Variants in HYCC1 observed in about 807,000 individuals in gnomAD.
The protein encoded by HYCC1 is hyccin PI4KA lipid kinase complex subunit 1.
the HYCC1 span, among the ~76,000 whole-genome samples, chr7:23,002,692 T>C: frequency 0.25 from 38,429 of 152,072 alleles, 4,966 homozygotes; most frequent in Admixed American, 0.32. Context: ...AAACTATTTC[T>C]TGGGAACAGG....
At chr7:22,912,903 C>T in the HYCC1 span, among the ~76,000 whole-genome samples, 5 of 152,150 alleles carry the variant, frequency 3.3e-5, no homozygotes, top group African/African-American at 9.7e-5. Flanking sequence ...GAAGCCAAGA[C>T]GGGTGGATCA....
chr7:22,898,689 A>G, the HYCC1 span, among the ~76,000 whole-genome samples: 6 of 136,778 alleles, frequency 4.4e-5, no homozygotes, highest in Non-Finnish European at 4.6e-5. Context: ...TGCAACCTCC[A>G]CCTCCCGGGT....
the HYCC1 span, among the ~76,000 whole-genome samples, chr7:22,948,057 C>A: frequency 6.6e-6 from 1 of 152,056 alleles, no homozygotes; most frequent in African/African-American, 2.4e-5. Context: ...AACAAAACTC[C>A]TAACTAGTTA....
the HYCC1 span, among the ~76,000 whole-genome samples, chr7:22,956,887 C>T: frequency 1.3e-4 from 19 of 151,782 alleles, no homozygotes; most frequent in African/African-American, 4.4e-4. Flanking sequence ...GCCAGAGATG[C>T]GTATTCTGAA....
At chr7:22,983,490 T>C in the HYCC1 span, among the ~76,000 whole-genome samples, 1 of 152,172 alleles carries the variant, frequency 6.6e-6, no homozygotes, top group African/African-American at 2.4e-5. Flanking sequence ...CTGCATGGAA[T>C]ATTCTTTTAC....
the HYCC1 span, chr7:22,984,087 T>C: frequency 8.3e-7 from 1 of 1,204,466 alleles, no homozygotes. Flanking sequence ...TTATGAAATG[T>C]CCAGAATAGG....
At chr7:22,915,019 G>A in the HYCC1 span, among the ~76,000 whole-genome samples, 6 of 152,142 alleles carry the variant, frequency 3.9e-5, no homozygotes, top group Admixed American at 6.6e-5. Flanking sequence ...ATCAGTTGGC[G>A]TTTAGGTTCT....
the HYCC1 span, chr7:22,983,736 A>G: frequency 2.8e-5 from 15 of 536,360 alleles, no homozygotes; most frequent in Non-Finnish European, 4.3e-5. Context: ...CTAGCGAGAG[A>G]GAAAAAGAGA....
chr7:22,962,415 T>TA, the HYCC1 span, among the ~76,000 whole-genome samples: 1 of 151,922 alleles, frequency 6.6e-6, no homozygotes, highest in Non-Finnish European at 1.5e-5. Context: ...CTTGATGGTA[T>TA]AGGCCTGAAG....
At chr7:22,979,566 T>G in the HYCC1 span, among the ~76,000 whole-genome samples, 2 of 152,196 alleles carry the variant, frequency 1.3e-5, no homozygotes, top group African/African-American at 4.8e-5. Context: ...TAGGGATATT[T>G]AGCTTTCAGG....
chr7:22,910,053 T>C, the HYCC1 span, among the ~76,000 whole-genome samples: 2 of 152,168 alleles, frequency 1.3e-5, no homozygotes, highest in African/African-American at 2.4e-5. Flanking sequence ...AATATGCACA[T>C]ATGAAATGCA....
At chr7:22,925,672 C>T in the HYCC1 span, among the ~76,000 whole-genome samples, 37,159 of 151,866 alleles carry the variant, frequency 0.24, 4,682 homozygotes, top group East Asian at 0.44. Context: ...CCAAGAAATA[C>T]GGGACTATGT....
At chr7:23,009,690 T>C in the HYCC1 span, among the ~76,000 whole-genome samples, 1 of 152,150 alleles carries the variant, frequency 6.6e-6, no homozygotes, top group Non-Finnish European at 1.5e-5. Context: ...GGATAGGTAT[T>C]ACTTTTCTCA....
At chr7:22,981,671 A>C in the HYCC1 span, among the ~76,000 whole-genome samples, 1 of 152,246 alleles carries the variant, frequency 6.6e-6, no homozygotes, top group Non-Finnish European at 1.5e-5. Flanking sequence ...AATCTCCAAC[A>C]ATATAAATAT....
the HYCC1 span, chr7:22,937,931 G>C: frequency 6.6e-6 from 1 of 152,134 alleles, no homozygotes. Flanking sequence ...CCAGTGGTAC[G>C]ATCAGTTAGC....
chr7:22,966,695 C>T, the HYCC1 span, among the ~76,000 whole-genome samples: 1 of 152,192 alleles, frequency 6.6e-6, no homozygotes, highest in Non-Finnish European at 1.5e-5. Flanking sequence ...ATTTCCCCTA[C>T]TCAATGAATC....
chr7:23,013,978 C>A, the HYCC1 span: 1 of 470,886 alleles, frequency 2.1e-6, no homozygotes, highest in African/African-American at 2.0e-5. Context: ...AGGCTCTCAG[C>A]GACAGCGACG....
chr7:23,009,734 T>C, the HYCC1 span, among the ~76,000 whole-genome samples: 1 of 152,136 alleles, frequency 6.6e-6, no homozygotes, highest in African/African-American at 2.4e-5. Context: ...GAACTTCTAG[T>C]CACAACTCTT....
At chr7:22,940,532 G>A in the HYCC1 span, 1 of 152,074 alleles carries the variant, frequency 6.6e-6, no homozygotes, top group Non-Finnish European at 1.5e-5. Flanking sequence ...GATTACAGGT[G>A]TGAGCCACCG....
Sources: gnomAD v4.1 joint callset for allele counts (sites outside exome capture counted in the v4.1 genomes callset) on GRCh38, gnomAD v4.1.1 for gene constraint, MANE v1.5 for transcripts, NCBI Gene and HGNC (gene_info 2026-07-23, HGNC 2026-07-21) for gene names.